The following ELN variants were observed in gnomAD, a reference collection of about 807,000 sequenced individuals.
ELN encodes elastin.
A neutral mutation model predicts 105.8 loss-of-function variants in ELN; 65 were observed. The ratio of observed to expected loss-of-function variants is 0.61; its 90% CI spans 0.50 to 0.75. The LOEUF is 0.75. Among genes scored for constraint, ELN ranks in the 30% least tolerant of loss-of-function variants. ELN has a pLI of 0.00. For missense variants in ELN, 882 were observed against 969.4 expected, an observed-to-expected ratio of 0.91 and a Z score of 1.20; for synonymous variants, 368 against 389.2, an observed-to-expected ratio of 0.95 and a Z score of 0.64.
Position 74,048,164 on chromosome 7 carries a change from T to G in ELN, c.708T>G (p.Ala236=). The change falls in exon 14 of 33, where the codon GCT becomes GCG. Residue 236 remains alanine (A), a synonymous_variant. Coordinates refer to ENST00000252034, the MANE Select transcript of ELN (RefSeq NM_000501.4). The part of the protein sequence containing the change: ...LPYGYGPGGV[A]GAAGKAGYPT... ...CAGGCTATGGGCCCGGAGGAGTGGC[T>G]GGTGCAGCGGGCAAGGCTGGTTACC... is the stretch of plus-strand genomic sequence containing the variant. 2.5e-6 allele frequency: 4 copies of G among 1,613,974 alleles called. No homozygotes were observed. The highest frequency in any genetic ancestry group is 3.4e-6 in the Non-Finnish European group (4 of 1,179,962).
chr7:74,059,718 C>T, intron 22 of ELN, 168 bp from the exon 23 acceptor site: 1 of 739,078 alleles, frequency 1.4e-6, no homozygotes, highest in East Asian at 2.4e-5. Flanking sequence ...TGAGCCTGCA[C>T]ACACTTCATA....
chr7:74,048,409 C>G (rs577114167), intron 14 of ELN, 94 bp from the exon 15 acceptor site: 2 of 1,571,486 alleles, frequency 1.3e-6, no homozygotes, highest in Non-Finnish European at 1.8e-6. Flanking sequence ...ACCCACATGT[C>G]AGTGGATTGG....
chr7:74,045,067 C>T (rs573305948), intron 9 of ELN, among the ~76,000 whole-genome samples, 155 bp from the exon 10 acceptor site: 40 of 152,330 alleles, frequency 2.6e-4, no homozygotes, highest in African/African-American at 9.4e-4. Flanking sequence ...AAAGTCAGCA[C>T]TAAACAGGTC....
chr7:74,041,384 T>G (rs782226761), intron 5 of ELN, 133 bp downstream of exon 5: 32 of 1,134,602 alleles, frequency 2.8e-5, no homozygotes, highest in Non-Finnish European at 4.2e-5. Context: ...CGGGGACTGA[T>G]GCTGATACCA....
intron 2 of ELN, chr7:74,035,661 G>A: frequency 1.7e-6 from 1 of 587,732 alleles, no homozygotes; most frequent in Admixed American, 2.4e-5. Context: ...CTTGAGGCCA[G>A]GAGTTTCAGA....
chr7:74,048,039 G>A (rs1424165141), intron 13 of ELN, 103 bp from the exon 14 acceptor site: 4 of 1,403,538 alleles, frequency 2.8e-6, no homozygotes, highest in Non-Finnish European at 4.0e-6. Flanking sequence ...GGTGACAGGT[G>A]CAGACTCAGG....
At chr7:74,048,017 A>T in intron 13 of ELN, 125 bp from the exon 14 acceptor site, 1 of 1,200,398 alleles carries the variant, frequency 8.3e-7, no homozygotes, top group Non-Finnish European at 1.2e-6. Flanking sequence ...ATTTGTTTTC[A>T]CTCTGGCTGG....
chr7:74,061,606 C>A (rs1033075396), intron 26 of ELN, among the ~76,000 whole-genome samples: 1 of 152,084 alleles, frequency 6.6e-6, no homozygotes. Flanking sequence ...GAGCCGAGAT[C>A]ACGCCACTGC....
At chr7:74,052,976 A>C in intron 17 of ELN, 187 bp from the exon 18 acceptor site, 2 of 706,802 alleles carry the variant, frequency 2.8e-6, no homozygotes, top group Non-Finnish European at 4.7e-6. Flanking sequence ...TTCAAATCCT[A>C]GAGCTCTTTA....
rs1302368459 is a variant in ELN at position 74,063,960 on chromosome 7, G to A, written c.1993+265G>A. The stretch of plus-strand genomic sequence containing the variant: ...TCTACCAAAAATACAAAAATAAGCC[G>A]GGCGTGGTGGTGGGCACCTGTATTT... On this transcript the variant is annotated intron_variant, in intron 29 of 32. Transcript: ENST00000252034. This position sits in a 1 kb window ranked among gnomAD's most constrained non-coding sequence, Gnocchi z 4.1. Among the ~76,000 whole-genome samples the A allele has an allele frequency of 3.9e-5, 6 of 151,930 alleles. No homozygotes were observed. Among genetic ancestry groups the A allele is most frequent in the African/African-American group, 7.3e-5 (3 of 41,346 alleles).
intron 10 of ELN, 41 bp from the exon 11 acceptor site, chr7:74,046,147 C>T: frequency 6.2e-7 from 1 of 1,614,104 alleles, no homozygotes; most frequent in Non-Finnish European, 8.5e-7. Context: ...GCCCAGTGTC[C>T]ACAGTTCCAG....
rs529343433 is a variant in ELN, at chr7:74,057,261, G to T, written c.1358-379G>T. The T allele has an allele frequency of 1.9e-4, 156 of 805,896 alleles. 2 individuals carry two copies. The South Asian group carries it at 4.2e-3, about 22-fold the overall frequency. The allele number at this position is 805,896 out of a possible 1,614,324, so 49.9% of individuals were successfully genotyped here. On this transcript the variant is annotated intron_variant, in intron 21 of 32. Coordinates refer to ENST00000252034, the MANE Select transcript of ELN (RefSeq NM_000501.4). ...TCTAAAAATAAAAAAAAAAGAAAAA[G>T]AAAAAGAATTGAAGGTGCCAGGAAG...
chr7:74,067,933 CAAAAAA>C (rs782107951), intron 32 of ELN, among the ~76,000 whole-genome samples: 2 of 19,886 alleles, frequency 1.0e-4, no homozygotes, highest in African/African-American at 2.6e-4. Flanking sequence ...GATTGCGTCT[CAAAAAA>C]AAAAAAAAAA....
intron 22 of ELN, among the ~76,000 whole-genome samples, chr7:74,058,179 C>CCTCCTCCTCCTTCTT (rs1795761127): frequency 6.7e-6 from 1 of 149,864 alleles, no homozygotes; most frequent in African/African-American, 2.4e-5. Context: ...CCTCCCTCTT[C>CCTCCTCCTCCTTCTT]CTCCTCCTCC....
At chr7:74,064,576 G>A (rs910138909) in intron 29 of ELN, among the ~76,000 whole-genome samples, 1 of 151,098 alleles carries the variant, frequency 6.6e-6, no homozygotes, top group Admixed American at 6.6e-5. Flanking sequence ...AGATCACGCC[G>A]CTGCACTCCA....
chr7:74,049,229 T>C (rs1554674438), intron 15 of ELN, among the ~76,000 whole-genome samples: 1 of 149,670 alleles, frequency 6.7e-6, no homozygotes. Context: ...TCATCCATCC[T>C]CCATTCCTCC....
chr7:74,052,151 T>C (rs1474500097), intron 17 of ELN, 168 bp downstream of exon 17: 1 of 773,938 alleles, frequency 1.3e-6, no homozygotes, highest in African/African-American at 1.7e-5. Flanking sequence ...ATGCCATCTC[T>C]ATTGTTTTGC....
rs782554632 is a variant in ELN, at chr7:74,059,821, T to C, written c.1415-65T>C. ...GCCAGGGCCGAGGCTCCAGCCCTCT[T>C]TCCATAAGCTTCTGTCCTCTTTGAT... On this transcript the variant is annotated intron_variant, in intron 22 of 32. Transcript: ENST00000252034. 1.0e-5 allele frequency: 9 copies of C among 861,288 alleles called. No homozygotes were observed. The East Asian group carries it at 1.9e-4, about 18-fold the overall frequency. 53.4% of individuals were successfully genotyped at this position (861,288 alleles called of 1,614,324 possible).
At position 74,053,207 on chromosome 7, in the gene ELN, G is replaced by A. The variant is rs1794479977; in HGVS notation, c.994G>A (p.Gly332Arg). 1 of 1,614,074 alleles carries A rather than the reference G, an allele frequency of 6.2e-7. No individual in the cohort carries two copies. Among genetic ancestry groups the A allele is most frequent in the African/African-American group, 1.3e-5 (1 of 74,922 alleles). Residue 332 changes from glycine to arginine, a missense_variant, in exon 18 of 33, where the codon GGA becomes AGA. By Grantham distance (125) the Gly-to-Arg change is moderately radical. Transcript: ENST00000252034. ...GCCTGGTGGGCCAGGCTTTGGCCCG[G>A]GAGTAGTTGGTGTCCCAGGAGCTGG... is the stretch of plus-strand genomic sequence containing the variant. ...LVPGGPGFGPGVVGVPGAGVP... is the reference protein window; with the variant it reads ...LVPGGPGFGPRVVGVPGAGVP...
Sources: allele counts gnomAD v4.1 joint callset (sites outside exome capture counted in the v4.1 genomes callset), GRCh38; gene constraint gnomAD v4.1.1; non-coding constraint Gnocchi (gnomAD v3.1); transcripts MANE v1.5; gene names NCBI Gene and HGNC (gene_info 2026-07-23, HGNC 2026-07-21).